The following SCN2A variants were observed in gnomAD, a reference collection of about 807,000 sequenced individuals.
SCN2A encodes the protein sodium voltage-gated channel alpha subunit 2, also known as sodium channel protein type 2 subunit alpha.
SCN2A carries 20 observed loss-of-function variants against 188.7 expected under a neutral mutation model. The ratio of observed to expected loss-of-function variants is 0.11; its 90% confidence interval spans 0.07 to 0.15. SCN2A has a LOEUF of 0.15. Ranked by LOEUF, SCN2A falls within the 10% of genes least tolerant of loss-of-function variation. The pLI is 1.00. For missense variants in SCN2A, 1,278 were observed against 2,445.0 expected, an observed-to-expected ratio of 0.52 and a Z score of 10.07; for synonymous variants, 804 against 833.1, an observed-to-expected ratio of 0.97 and a Z score of 0.60.
At position 165,239,516 on chromosome 2, in the gene SCN2A, G is replaced by C; in HGVS notation, c.-176G>C. On this transcript the variant is annotated 5_prime_UTR_variant, in exon 1 of 27. Transcript: ENST00000375437. The stretch of plus-strand genomic sequence containing the variant: ...TTCTTGTTTTTTTCTTCTTTAATGA[G>C]GATAGAGCACATGTGAGATTTTACT... 2 of 439,372 alleles carry C rather than the reference G, an allele frequency of 4.6e-6. No homozygotes were observed. Among genetic ancestry groups the C allele is most frequent in the Non-Finnish European group, 6.0e-6 (2 of 331,200 alleles). The allele number at this position is 439,372 out of a possible 1,614,324, so 27.2% of individuals were successfully genotyped here. A position where few individuals can be genotyped will look rare whatever the true frequency, so the allele number is the denominator to read the frequency against.
At chr2:165,270,046 C>T (rs1695037021) in intron 1 of SCN2A, 1 of 151,914 alleles carries the variant, frequency 6.6e-6, no homozygotes, top group African/African-American at 2.4e-5. Context: ...TTACTTTAAT[C>T]TCTTCATCCA....
chr2:165,307,132 G>A (rs951242659), intron 3 of SCN2A, among the ~76,000 whole-genome samples: 14 of 152,050 alleles, frequency 9.2e-5, no homozygotes, highest in Admixed American at 8.5e-4. Flanking sequence ...TATGATCCAG[G>A]AAGCAATTCA....
chr2:165,250,859 A>G (rs545580688), intron 1 of SCN2A, among the ~76,000 whole-genome samples: 1 of 152,180 alleles, frequency 6.6e-6, no homozygotes, highest in East Asian at 1.9e-4. Context: ...CTTAACTACC[A>G]ACAAATTTGA....
chr2:165,327,267 GA>G, intron 13 of SCN2A: 1 of 399,874 alleles, frequency 2.5e-6, no homozygotes, highest in South Asian at 2.2e-5. Flanking sequence ...GCATGACGTT[GA>G]AAAGAGTGTA....
intron 1 of SCN2A, among the ~76,000 whole-genome samples, chr2:165,260,297 G>A (rs1595748): frequency 0.15 from 22,302 of 152,120 alleles, 1,688 homozygotes; most frequent in South Asian, 0.23. Flanking sequence ...GATCCATGGA[G>A]TGCGGGCATG....
chr2:165,367,763 G>A (rs982584808), intron 19 of SCN2A, among the ~76,000 whole-genome samples: 1 of 152,222 alleles, frequency 6.6e-6, no homozygotes, highest in Non-Finnish European at 1.5e-5. Context: ...GCCGGTAGGA[G>A]CGAACTCCAC....
chr2:165,255,831 A>G (rs1694291326), intron 1 of SCN2A, among the ~76,000 whole-genome samples: 1 of 151,876 alleles, frequency 6.6e-6, no homozygotes, highest in African/African-American at 2.4e-5. Flanking sequence ...TTGTTCTTTT[A>G]TCCTCAGACA....
At chr2:165,269,956 T>C (rs80207548) in intron 1 of SCN2A, 1 of 152,070 alleles carries the variant, frequency 6.6e-6, no homozygotes, top group African/African-American at 2.4e-5. Context: ...TCTTCTCTTC[T>C]GTTCTTTTTC....
chr2:165,389,567 T>A lies in SCN2A; in HGVS notation c.5761T>A (p.Leu1921Met). ...CCAGAGGGCTTACAGACGCTACCTC[T>A]TGAAGCAAAAAGTTAAAAAGGTATC... ...IIQRAYRRYL[L>M]KQKVKKVSSI... Residue 1921 changes from leucine to methionine, a missense_variant, in exon 27 of 27, where the codon TTG becomes ATG. This residue lies in a region of SCN2A where 109 missense variants were observed against 137.9 expected (regional missense o/e 0.79). Coordinates refer to ENST00000375437, the MANE Select transcript of SCN2A (RefSeq NM_001040142.2). The surrounding 1 kb of genome is among the most constrained non-coding windows in gnomAD (Gnocchi z 4.2). 1 of 1,613,894 alleles carries A rather than the reference T, an allele frequency of 6.2e-7. No homozygotes were observed. Among genetic ancestry groups the A allele is most frequent in the Non-Finnish European group, 8.5e-7 (1 of 1,179,962 alleles).
chr2:165,309,933 A>T (rs1468081238), intron 6 of SCN2A, among the ~76,000 whole-genome samples: 2 of 152,134 alleles, frequency 1.3e-5, no homozygotes, highest in Non-Finnish European at 2.9e-5. Context: ...CGACTTCAAG[A>T]TTTCTTACTA....
At position 165,312,032 on chromosome 2, in the gene SCN2A, T is replaced by C. The variant is rs755180885; in HGVS notation, c.978T>C (p.Phe326=). The C allele has an allele frequency of 6.2e-7, 1 of 1,611,174 alleles. No homozygotes were observed. Among genetic ancestry groups the C allele is most frequent in the Non-Finnish European group, 8.5e-7 (1 of 1,178,062 alleles). The change falls in exon 8 of 27, where the codon TTT becomes TTC. Residue 326 remains phenylalanine (F), a synonymous_variant. Coordinates refer to ENST00000375437, the MANE Select transcript of SCN2A (RefSeq NM_001040142.2). ...TCCTTTCTCTTTAAATAGGTCACTT[T>C]TATTTTTTAGAGGGGCAAAATGATG... is the stretch of plus-strand genomic sequence containing the variant. The part of the protein sequence containing the change: ...WDEYIEDKSH[F]YFLEGQNDAL...
intron 23 of SCN2A, among the ~76,000 whole-genome samples, chr2:165,379,253 G>C (rs540453282): frequency 6.6e-6 from 1 of 151,746 alleles, no homozygotes; most frequent in African/African-American, 2.4e-5. Context: ...TGATGAAAAT[G>C]AATGAATACC....
At chr2:165,355,245 AC>A (rs1056494451) in intron 17 of SCN2A, among the ~76,000 whole-genome samples, 2 of 152,172 alleles carry the variant, frequency 1.3e-5, no homozygotes, top group African/African-American at 4.8e-5. Flanking sequence ...GAGGAATCAC[AC>A]TAAAAACATA....
intron 1 of SCN2A, among the ~76,000 whole-genome samples, chr2:165,248,184 A>G (rs1244333035): frequency 6.6e-6 from 1 of 152,042 alleles, no homozygotes; most frequent in Non-Finnish European, 1.5e-5. Context: ...TCTATTCTCA[A>G]TACGGCAAGA....
At chr2:165,306,611 T>C (rs998059261) in intron 3 of SCN2A, among the ~76,000 whole-genome samples, 11 of 151,636 alleles carry the variant, frequency 7.3e-5, no homozygotes, top group African/African-American at 1.9e-4. Context: ...ATGAGTGTTT[T>C]CATATGGATG....
At chr2:165,307,724 T>C in intron 3 of SCN2A, 124 bp from the exon 4 acceptor site, 1 of 754,176 alleles carries the variant, frequency 1.3e-6, no homozygotes, top group Non-Finnish European at 2.4e-6. Context: ...GGGTCAATAA[T>C]AGAATAATAA....
At chr2:165,315,298 C>A (rs906055446) in intron 10 of SCN2A, among the ~76,000 whole-genome samples, 173 bp from the exon 11 acceptor site, 11 of 152,046 alleles carry the variant, frequency 7.2e-5, no homozygotes, top group African/African-American at 2.4e-4. Flanking sequence ...ATATGAATGC[C>A]CATTTTACTC....
At chr2:165,303,591 A>C (rs534234469) in intron 3 of SCN2A, among the ~76,000 whole-genome samples, 1 of 152,222 alleles carries the variant, frequency 6.6e-6, no homozygotes, top group South Asian at 2.1e-4. Flanking sequence ...GAGTATTTTT[A>C]AGATCATCTG....
intron 1 of SCN2A, chr2:165,274,238 T>C (rs1023611930): frequency 2.0e-5 from 3 of 147,074 alleles, no homozygotes; most frequent in Non-Finnish European, 4.5e-5. Flanking sequence ...TCGAAATATT[T>C]TATTGCTTTA....
Sources: allele counts gnomAD v4.1 joint callset (sites outside exome capture counted in the v4.1 genomes callset), GRCh38; gene constraint gnomAD v4.1.1; regional missense constraint gnomAD v4.1.1; non-coding constraint Gnocchi (gnomAD v3.1); transcripts MANE v1.5; gene names NCBI Gene and HGNC (gene_info 2026-07-23, HGNC 2026-07-21).